UST: variants seen among roughly 807,000 people sequenced by gnomAD.
The protein encoded by UST is chondroitin sulfate 2-O-sulfotransferase.
A neutral mutation model predicts 45.6 loss-of-function variants in UST; 21 were observed. The observed-to-expected ratio is 0.46, with a 90% CI of 0.33 to 0.66. The LOEUF (loss-of-function observed/expected upper bound fraction) is 0.66. Among genes scored for constraint, UST ranks in the 30% least tolerant of loss-of-function variants. The pLI is 0.02. For synonymous variants in UST, 215 were observed against 200.6 expected (o/e 1.07, Z -0.61); for missense variants, 463 against 512.4 (o/e 0.90, Z 0.93).
Position 148,917,807 on chromosome 6 carries a change from C to T in UST, c.292-23472C>T, listed in dbSNP as rs181869551. ...CATGAAGGAGCGGCAGAAAGGAGGA[C>T]GGGAGCTCAGATGGGTGGCAAGTTC... On this transcript the variant is annotated intron_variant, in intron 2 of 7. Coordinates refer to ENST00000367463, the MANE Select transcript of UST (RefSeq NM_005715.3). 2.7e-3 allele frequency among the ~76,000 whole-genome samples: 414 copies of T among 152,282 alleles called. 1 individual carries two copies. Among genetic ancestry groups the T allele is most frequent in the South Asian group, 6.2e-3 (30 of 4,826 alleles).
At chr6:148,831,963 T>G (rs1170224478) in intron 1 of UST, among the ~76,000 whole-genome samples, 2 of 152,200 alleles carry the variant, frequency 1.3e-5, no homozygotes, top group Admixed American at 1.3e-4. Flanking sequence ...GGTCTAATAC[T>G]TGTAAATACA....
chr6:148,936,150 G>A (rs965484115), intron 2 of UST, among the ~76,000 whole-genome samples: 8 of 152,198 alleles, frequency 5.3e-5, no homozygotes, highest in Non-Finnish European at 1.2e-4. Context: ...CCTTGAAGAT[G>A]CCAAATGATA....
chr6:148,848,392 G>C (rs541322922), intron 1 of UST, among the ~76,000 whole-genome samples: 2 of 152,268 alleles, frequency 1.3e-5, no homozygotes, highest in Middle Eastern at 3.4e-3. Flanking sequence ...CATGATTAAG[G>C]CTGGGCATGG....
chr6:148,990,827 T>A (rs1405070371), intron 5 of UST, among the ~76,000 whole-genome samples: 1 of 152,232 alleles, frequency 6.6e-6, no homozygotes, highest in African/African-American at 2.4e-5. Flanking sequence ...GACACTCTCC[T>A]AGGAGCAGGA....
intron 5 of UST, among the ~76,000 whole-genome samples, chr6:148,976,348 G>A (rs900788670): frequency 1.3e-5 from 2 of 152,082 alleles, no homozygotes; most frequent in Admixed American, 6.5e-5. Flanking sequence ...TTCAAACTAC[G>A]AACATGACAT....
intron 2 of UST, among the ~76,000 whole-genome samples, chr6:148,919,984 A>G (rs750373646): frequency 6.6e-6 from 1 of 152,272 alleles, no homozygotes. Context: ...TTCATGGATC[A>G]GGCAGTTTTC....
chr6:149,025,971 A>G (rs2115022298), intron 7 of UST, among the ~76,000 whole-genome samples: 1 of 152,200 alleles, frequency 6.6e-6, no homozygotes, highest in South Asian at 2.1e-4. Flanking sequence ...ACATAGTGAA[A>G]CCCCATCTCT....
chr6:148,858,199 G>C (rs745838567), intron 1 of UST, among the ~76,000 whole-genome samples: 5 of 152,154 alleles, frequency 3.3e-5, no homozygotes, highest in Non-Finnish European at 5.9e-5. Context: ...GCAAGCTGAG[G>C]AACAGGGAAG....
chr6:148,829,029 A>C (rs903468455), intron 1 of UST, among the ~76,000 whole-genome samples: 2 of 152,196 alleles, frequency 1.3e-5, no homozygotes, highest in Admixed American at 6.5e-5. Context: ...CCAGAAACAC[A>C]ATGGCACCAA....
Position 148,747,763 on chromosome 6 carries a change from C to T in UST, c.247+86C>T. On this transcript the variant is annotated intron_variant, in intron 1 of 7. Transcript: ENST00000367463. Reference sequence around the variant, plus strand: ...AGGGTCGCGGCGGGGACTTCTCGCGCTGCCACCGCGCGCCGCCGCCGCCCC... The same window carrying T: ...AGGGTCGCGGCGGGGACTTCTCGCGTTGCCACCGCGCGCCGCCGCCGCCCC... The T allele has an allele frequency of 2.1e-6, 3 of 1,435,226 alleles. No individual in the cohort carries two copies. In the South Asian group the frequency reaches 4.4e-5, roughly 21 times the overall value. The allele number at this position is 1,435,226 out of a possible 1,614,324, so 88.9% of individuals were successfully genotyped here. A position where few individuals can be genotyped will look rare whatever the true frequency, so the allele number is the denominator to read the frequency against.
At chr6:148,954,924 T>G (rs974817802) in intron 4 of UST, among the ~76,000 whole-genome samples, 1 of 152,204 alleles carries the variant, frequency 6.6e-6, no homozygotes, top group Non-Finnish European at 1.5e-5. Context: ...ATAGGTTGAT[T>G]GTCACTGTGC....
chr6:148,858,347 G>A lies in UST; in HGVS notation c.248-28639G>A, dbSNP rs541952130. On this transcript the variant is annotated intron_variant, in intron 1 of 7. Coordinates refer to ENST00000367463, the MANE Select transcript of UST (RefSeq NM_005715.3). ...GCTGAAGAACTTGGGTCTGATGTTC[G>A]AGGGCAGGAAGTATTCAGCATGGGA... Among the ~76,000 whole-genome samples the A allele has an allele frequency of 1.2e-4, 18 of 152,234 alleles. 1 individual carries two copies. The South Asian group carries it at 1.9e-3, about 16-fold the overall frequency.
At chr6:148,965,583 T>C (rs555674479) in intron 5 of UST, among the ~76,000 whole-genome samples, 65 of 152,354 alleles carry the variant, frequency 4.3e-4, no homozygotes, top group African/African-American at 1.5e-3. Context: ...GGCTGCTTCC[T>C]CATCTCATTT....
intron 1 of UST, among the ~76,000 whole-genome samples, chr6:148,760,628 A>C (rs1282101942): frequency 6.6e-6 from 1 of 152,132 alleles, no homozygotes; most frequent in Non-Finnish European, 1.5e-5. Flanking sequence ...TCATTTGAAG[A>C]CACAGAAAGT....
intron 5 of UST, among the ~76,000 whole-genome samples, chr6:149,008,513 A>G (rs1775752244): frequency 6.6e-6 from 1 of 152,216 alleles, no homozygotes; most frequent in African/African-American, 2.4e-5. Flanking sequence ...GAGACACGCA[A>G]CAGTGAGCAG....
chr6:148,763,565 C>A (rs1776261795), intron 1 of UST, among the ~76,000 whole-genome samples: 1 of 151,962 alleles, frequency 6.6e-6, no homozygotes, highest in Non-Finnish European at 1.5e-5. Context: ...GCCATATATT[C>A]TTTGCCCAGG....
intron 7 of UST, among the ~76,000 whole-genome samples, chr6:149,022,626 A>C (rs1222373924): frequency 6.6e-6 from 1 of 152,114 alleles, no homozygotes; most frequent in African/African-American, 2.4e-5. Flanking sequence ...AGAAAGAAGG[A>C]AGCAGCAGAT....
intron 7 of UST, among the ~76,000 whole-genome samples, chr6:149,041,974 A>G (rs1478830672): frequency 2.6e-5 from 4 of 152,252 alleles, no homozygotes; most frequent in Admixed American, 6.5e-5. Context: ...AATTTCTAAT[A>G]ATGAGAATAG....
intron 5 of UST, among the ~76,000 whole-genome samples, chr6:148,972,994 A>G (rs1343483312): frequency 1.3e-5 from 2 of 152,218 alleles, no homozygotes; most frequent in East Asian, 3.9e-4. Flanking sequence ...AGCTGTTTTC[A>G]CTGAGAGAAG....
Sources: allele counts gnomAD v4.1 joint callset (sites outside exome capture counted in the v4.1 genomes callset), GRCh38; gene constraint gnomAD v4.1.1; transcripts MANE v1.5; gene names NCBI Gene and HGNC (gene_info 2026-07-23, HGNC 2026-07-21).